The following KCND3 variants were observed in gnomAD, a reference collection of about 807,000 sequenced individuals.
KCND3 encodes A-type voltage-gated potassium channel KCND3.
Under a neutral mutation model 51.1 loss-of-function variants are expected in KCND3, and 9 were observed. The ratio of observed to expected loss-of-function variants is 0.18; its 90% confidence interval spans 0.11 to 0.31. The LOEUF (loss-of-function observed/expected upper bound fraction) is 0.31. Ranked by LOEUF, KCND3 falls within the 10% of genes least tolerant of loss-of-function variation. KCND3 has a pLI of 1.00. For missense variants in KCND3, 526 were observed against 903.8 expected, an observed-to-expected ratio of 0.58 and a Z score of 5.36; for synonymous variants, 349 against 368.0, an observed-to-expected ratio of 0.95 and a Z score of 0.59.
intron 2 of KCND3, among the ~76,000 whole-genome samples, chr1:111,937,046 T>G (rs1672253745): frequency 6.6e-6 from 1 of 152,126 alleles, no homozygotes. Flanking sequence ...AGAGAATGCA[T>G]AAACATTTAA....
chr1:111,803,264 C>T (rs1665402635), intron 2 of KCND3, among the ~76,000 whole-genome samples: 1 of 152,162 alleles, frequency 6.6e-6, no homozygotes, highest in Non-Finnish European at 1.5e-5. Flanking sequence ...CCTGGGACAC[C>T]TCTGCCTCTC....
At chr1:111,954,806 A>G (rs1673241198) in intron 2 of KCND3, among the ~76,000 whole-genome samples, 1 of 152,202 alleles carries the variant, frequency 6.6e-6, no homozygotes, top group Non-Finnish European at 1.5e-5. Context: ...ACCTAAATCC[A>G]TGATTCGGGG....
At chr1:111,986,030 T>C (rs1453115497) in intron 1 of KCND3, among the ~76,000 whole-genome samples, 1 of 152,196 alleles carries the variant, frequency 6.6e-6, no homozygotes, top group East Asian at 1.9e-4. Flanking sequence ...TGTATTTCTT[T>C]CTAGAAGAAA....
intron 2 of KCND3, among the ~76,000 whole-genome samples, chr1:111,977,879 T>A (rs924321648): frequency 3.3e-5 from 5 of 152,228 alleles, no homozygotes; most frequent in Non-Finnish European, 7.3e-5. Flanking sequence ...TTCTATGTTA[T>A]CCCTTCCCTC....
At chr1:111,912,808 A>AT (rs1188550766) in intron 2 of KCND3, among the ~76,000 whole-genome samples, 1 of 152,228 alleles carries the variant, frequency 6.6e-6, no homozygotes, top group African/African-American at 2.4e-5. Flanking sequence ...GTAAATAAAT[A>AT]TTTTTTATAA....
intron 2 of KCND3, chr1:111,909,235 G>C (rs1311893840): frequency 6.6e-6 from 1 of 152,214 alleles, no homozygotes; most frequent in African/African-American, 2.4e-5. Flanking sequence ...TCTGGGGGGT[G>C]GGGAGGTGGC....
At chr1:111,828,418 T>C (rs1484486629) in intron 2 of KCND3, among the ~76,000 whole-genome samples, 1 of 152,214 alleles carries the variant, frequency 6.6e-6, no homozygotes, top group Non-Finnish European at 1.5e-5. Flanking sequence ...AGTATGTTTA[T>C]ACTATTCAAC....
chr1:111,925,893 C>A (rs1051225199), intron 2 of KCND3, among the ~76,000 whole-genome samples: 36 of 152,214 alleles, frequency 2.4e-4, no homozygotes, highest in African/African-American at 8.4e-4. Flanking sequence ...ATCCTTCCCC[C>A]GACACCATCC....
intron 2 of KCND3, among the ~76,000 whole-genome samples, chr1:111,959,944 TAGTG>T (rs772028877): frequency 3.9e-5 from 6 of 152,030 alleles, no homozygotes; most frequent in African/African-American, 7.3e-5. Context: ...ATTCTCATGA[TAGTG>T]AGTAAGTTCT....
chr1:111,807,655 G>A (rs376306094), intron 2 of KCND3, among the ~76,000 whole-genome samples: 2 of 152,112 alleles, frequency 1.3e-5, no homozygotes, highest in Non-Finnish European at 2.9e-5. Flanking sequence ...CAACCTGGGC[G>A]ACAGAGCAAG....
intron 2 of KCND3, among the ~76,000 whole-genome samples, chr1:111,949,629 C>A (rs1293202784): frequency 6.6e-6 from 1 of 152,124 alleles, no homozygotes; most frequent in Non-Finnish European, 1.5e-5. Context: ...GTTTTTGTTT[C>A]ATTGCATTTC....
At chr1:111,865,119 G>A (rs1049732545) in intron 2 of KCND3, among the ~76,000 whole-genome samples, 1 of 152,212 alleles carries the variant, frequency 6.6e-6, no homozygotes, top group African/African-American at 2.4e-5. Flanking sequence ...AGAGGTGGGT[G>A]AACCATGCTG....
intron 2 of KCND3, among the ~76,000 whole-genome samples, chr1:111,961,146 C>T (rs562572086): frequency 1.3e-5 from 2 of 152,334 alleles, no homozygotes; most frequent in Non-Finnish European, 2.9e-5. Context: ...CAGGGGCTGG[C>T]GGCCAGGATT....
chr1:111,983,795 G>A (rs533301210), intron 1 of KCND3, among the ~76,000 whole-genome samples: 8 of 152,216 alleles, frequency 5.3e-5, no homozygotes, highest in Non-Finnish European at 8.8e-5. Context: ...AGGCTACCCT[G>A]TCCCTTCACC....
chr1:111,789,576 G>T (rs6662657), intron 2 of KCND3, among the ~76,000 whole-genome samples: 5,329 of 152,206 alleles, frequency 0.035, 163 homozygotes, highest in African/African-American at 0.078. Flanking sequence ...GATGGAAAAC[G>T]GCTGTATTGA....
rs968584153 is a variant in KCND3 at position 111,982,811 on chromosome 1, A to AG, written c.-72-14dup. Reference sequence around the variant, plus strand: ...AGTTCAGCAAACCCTGGGAGACAGGAGGGGAGAGAGAGAAGCGGTGAGTCC... The same window carrying AG: ...AGTTCAGCAAACCCTGGGAGACAGGAGGGGGAGAGAGAGAAGCGGTGAGTCC... On this transcript the variant is annotated splice_polypyrimidine_tract_variant and intron_variant, in intron 1 of 7. Coordinates refer to ENST00000302127, the MANE Select transcript of KCND3 (RefSeq NM_001378969.1). This position sits in a 1 kb window ranked among gnomAD's most constrained non-coding sequence, Gnocchi z 8.5. 9.8e-6 allele frequency: 15 copies of AG among 1,522,996 alleles called. No individual in the cohort carries two copies. The African/African-American group carries it at 1.5e-4, about 15-fold the overall frequency. 94.3% of individuals were successfully genotyped at this position (1,522,996 alleles called of 1,614,324 possible). A position where few individuals can be genotyped will look rare whatever the true frequency, so the allele number is the denominator to read the frequency against.
chr1:111,895,617 T>C (rs561747568), intron 2 of KCND3, among the ~76,000 whole-genome samples: 71 of 152,334 alleles, frequency 4.7e-4, no homozygotes, highest in Non-Finnish European at 9.7e-4. Context: ...CCTAGATCAG[T>C]CACCTTCCAG....
intron 2 of KCND3, among the ~76,000 whole-genome samples, chr1:111,859,890 C>A (rs913189398): frequency 1.3e-5 from 2 of 152,226 alleles, no homozygotes; most frequent in African/African-American, 4.8e-5. Flanking sequence ...GGTTTGGAGA[C>A]CCTGTCTCCT....
At chr1:111,922,523 C>T (rs1180180029) in intron 2 of KCND3, among the ~76,000 whole-genome samples, 1 of 152,250 alleles carries the variant, frequency 6.6e-6, no homozygotes, top group Non-Finnish European at 1.5e-5. Context: ...TCAAATCTTG[C>T]TCCATACTAG....
Sources: gnomAD v4.1 joint callset for allele counts (sites outside exome capture counted in the v4.1 genomes callset) on GRCh38, gnomAD v4.1.1 for gene constraint, Gnocchi (gnomAD v3.1) non-coding constraint, MANE v1.5 for transcripts, NCBI Gene and HGNC (gene_info 2026-07-23, HGNC 2026-07-21) for gene names.